TRAPPC9: variants seen among roughly 807,000 people sequenced by gnomAD.
The protein encoded by TRAPPC9 is IKK2 binding protein.
In TRAPPC9, 83 loss-of-function variants were observed where a neutral mutation model predicts 124.0. The observed-to-expected ratio is 0.67, with a 90% confidence interval of 0.56 to 0.80. TRAPPC9 has a LOEUF of 0.80. TRAPPC9 is among the 30% of genes least tolerant of loss of function. The pLI is 0.00. For synonymous variants in TRAPPC9, 638 were observed against 617.5 expected, an observed-to-expected ratio of 1.03 and a Z score of -0.49; for missense variants, 1,302 against 1,508.3, an observed-to-expected ratio of 0.86 and a Z score of 2.27.
intron 17 of TRAPPC9, among the ~76,000 whole-genome samples, chr8:140,187,681 G>C (rs1363607191): frequency 6.6e-6 from 1 of 152,056 alleles, no homozygotes; most frequent in Non-Finnish European, 1.5e-5. Flanking sequence ...TTCCCTGTTG[G>C]TGGTTTTTTT....
rs528888342 is a variant in TRAPPC9, at chr8:140,367,878, A to T, written c.1351+3086T>A. The stretch of plus-strand genomic sequence containing the variant: ...CTCAATTCACACATCCTCATGGTCC[A>T]TCTAAAGGTGTCAATCATGAAATAA... On this transcript the variant is annotated intron_variant, in intron 8 of 22. Transcript: ENST00000438773. Among the ~76,000 whole-genome samples, 8 of 152,304 alleles carry T rather than the reference A, an allele frequency of 5.3e-5. No homozygotes were observed. The East Asian group carries it at 1.4e-3, about 26-fold the overall frequency.
In TRAPPC9 at chr8:140,284,006, A is replaced by G. The variant is rs773574715; in HGVS notation, c.1997T>C (p.Val666Ala). 6.2e-7 allele frequency: 1 copy of G among 1,614,062 alleles called. No homozygotes were observed. Among genetic ancestry groups the G allele is most frequent in the Non-Finnish European group, 8.5e-7 (1 of 1,179,998 alleles). Residue 666 changes from valine (V) to alanine (A), a missense_variant, in exon 14 of 23, where the codon GTC (valine) becomes GCC (alanine). Transcript: ENST00000438773. ...TITVNGYHTT[V>A]FGVFSDCLLD... is the part of the protein sequence containing the mutation. ...CAAACAGTCACTGAACACACCGAAGACCGTGGTATGGTAACCTGGAATAGA... is the reference window on the plus strand; with the variant it reads ...CAAACAGTCACTGAACACACCGAAGGCCGTGGTATGGTAACCTGGAATAGA...
At chr8:140,396,476 C>A (rs1242306978) in intron 7 of TRAPPC9, among the ~76,000 whole-genome samples, 1 of 152,034 alleles carries the variant, frequency 6.6e-6, no homozygotes, top group Non-Finnish European at 1.5e-5. Context: ...CTCTTAGAAG[C>A]AGCCCCAAAT....
intron 20 of TRAPPC9, among the ~76,000 whole-genome samples, chr8:139,895,899 C>G (rs1055062097): frequency 2.6e-5 from 4 of 152,228 alleles, no homozygotes; most frequent in Admixed American, 1.3e-4. Flanking sequence ...CAGCCCCGTG[C>G]CTGCAGAGCA....
chr8:140,124,931 T>C (rs563700545), intron 17 of TRAPPC9, among the ~76,000 whole-genome samples: 34 of 152,372 alleles, frequency 2.2e-4, no homozygotes, highest in African/African-American at 7.9e-4. Flanking sequence ...TGGGTTTCAA[T>C]GTTGCCATTT....
chr8:139,832,072 C>T lies in TRAPPC9; in HGVS notation c.3055+53807G>A, dbSNP rs566398304. On this transcript the variant is annotated intron_variant, in intron 21 of 22. Coordinates refer to ENST00000438773, the MANE Select transcript of TRAPPC9 (RefSeq NM_001160372.4). ...CACCTACCTTTCATGTTGTCACAGG[C>T]GTCCCCTGCCAGTAACCAGCTCTGA... Among the ~76,000 whole-genome samples the T allele has an allele frequency of 3.9e-5, 6 of 152,284 alleles. No individual in the cohort carries two copies. The South Asian group carries it at 8.3e-4, about 21-fold the overall frequency.
At chr8:140,163,204 C>G (rs1243146475) in intron 17 of TRAPPC9, among the ~76,000 whole-genome samples, 1 of 152,220 alleles carries the variant, frequency 6.6e-6, no homozygotes. Flanking sequence ...CCACAGCCCC[C>G]ACTCCAGGGC....
chr8:140,194,199 C>A (rs749810092), intron 17 of TRAPPC9, among the ~76,000 whole-genome samples: 30 of 152,116 alleles, frequency 2.0e-4, no homozygotes, highest in Non-Finnish European at 3.8e-4. Context: ...CCTCTACATT[C>A]ACTGTCCTCC....
Position 140,420,876 on chromosome 8 carries a change from C to G in TRAPPC9, c.886+5739G>C, listed in dbSNP as rs1268710688. Among the ~76,000 whole-genome samples the G allele has an allele frequency of 5.3e-5, 8 of 151,940 alleles. No individual in the cohort carries two copies. The East Asian group carries it at 9.7e-4, about 18-fold the overall frequency. On this transcript the variant is annotated intron_variant, in intron 5 of 22. Transcript: ENST00000438773. ...AAAGTTCTAGTTGACCAATGAAAACCCAACAAACAAAGGGAAAATCACATT... is the reference window on the plus strand; with the variant it reads ...AAAGTTCTAGTTGACCAATGAAAACGCAACAAACAAAGGGAAAATCACATT...
At chr8:140,287,527 G>C in intron 13 of TRAPPC9, 81 bp downstream of exon 13, 1 of 1,568,122 alleles carries the variant, frequency 6.4e-7, no homozygotes, top group Non-Finnish European at 8.8e-7. Flanking sequence ...CATGACGGGC[G>C]ATCGGCTCTG....
At chr8:139,985,896 G>A (rs754196893) in intron 19 of TRAPPC9, among the ~76,000 whole-genome samples, 3 of 152,160 alleles carry the variant, frequency 2.0e-5, no homozygotes, top group Non-Finnish European at 2.9e-5. Flanking sequence ...GAATAACGCT[G>A]ATTTTTAAAG....
chr8:139,823,021 C>G (rs561537236), intron 21 of TRAPPC9, among the ~76,000 whole-genome samples: 1 of 152,164 alleles, frequency 6.6e-6, no homozygotes, highest in African/African-American at 2.4e-5. Flanking sequence ...AGCTCTCTGG[C>G]GCCTCTTCCT....
At chr8:139,839,900 G>A (rs1189523231) in intron 21 of TRAPPC9, among the ~76,000 whole-genome samples, 2 of 152,164 alleles carry the variant, frequency 1.3e-5, no homozygotes, top group Admixed American at 6.5e-5. Flanking sequence ...CTGCTTTCAC[G>A]GCAGTTTTCT....
intron 21 of TRAPPC9, among the ~76,000 whole-genome samples, chr8:139,732,854 C>A (rs1056918463): frequency 1.3e-5 from 2 of 149,680 alleles, no homozygotes; most frequent in African/African-American, 5.1e-5. Flanking sequence ...CCCTGCCAGG[C>A]AGGGAGCTGG....
At chr8:139,853,210 C>T (rs1827599917) in intron 21 of TRAPPC9, among the ~76,000 whole-genome samples, 1 of 152,190 alleles carries the variant, frequency 6.6e-6, no homozygotes, top group Admixed American at 6.5e-5. Context: ...GCTCCTGTAG[C>T]ACATGGCGGT....
chr8:140,404,135 T>C (rs2069385654), intron 6 of TRAPPC9, among the ~76,000 whole-genome samples: 1 of 152,112 alleles, frequency 6.6e-6, no homozygotes, highest in African/African-American at 2.4e-5. Context: ...AATAAATAAT[T>C]CTACATCTTT....
At chr8:140,031,869 C>T (rs1216834687) in intron 17 of TRAPPC9, among the ~76,000 whole-genome samples, 1 of 152,166 alleles carries the variant, frequency 6.6e-6, no homozygotes, top group East Asian at 1.9e-4. Context: ...AGTTAGGACA[C>T]AAGGTCCAAA....
intron 21 of TRAPPC9, among the ~76,000 whole-genome samples, chr8:139,883,440 G>C (rs1314291620): frequency 6.6e-6 from 1 of 152,254 alleles, no homozygotes; most frequent in Admixed American, 6.5e-5. Flanking sequence ...ACACAGCAGG[G>C]GGCTGAGCCT....
At chr8:139,860,851 C>T (rs1311122466) in intron 21 of TRAPPC9, among the ~76,000 whole-genome samples, 1 of 152,248 alleles carries the variant, frequency 6.6e-6, no homozygotes, top group Non-Finnish European at 1.5e-5. Context: ...GCCCTGCACA[C>T]CTCCAGGCTG....
Sources: gnomAD v4.1 joint callset for allele counts (sites outside exome capture counted in the v4.1 genomes callset) on GRCh38, gnomAD v4.1.1 for gene constraint, MANE v1.5 for transcripts, NCBI Gene and HGNC (gene_info 2026-07-23, HGNC 2026-07-21) for gene names.